DMD: variants seen among roughly 807,000 people sequenced by gnomAD.
DMD encodes the protein mutant dystrophin.
Under a neutral mutation model 330.1 loss-of-function variants are expected in DMD, and 63 were observed. The ratio of observed to expected loss-of-function variants is 0.19; its 90% confidence interval spans 0.16 to 0.24. DMD has a LOEUF of 0.24. DMD is among the 10% of genes least tolerant of loss of function. The pLI is 1.00. For synonymous variants in DMD, 1,223 were observed against 959.8 expected, an observed-to-expected ratio of 1.27 and a Z score of -5.07; for missense variants, 3,344 against 2,684.1, an observed-to-expected ratio of 1.25 and a Z score of -5.43.
intron 60 of DMD, among the ~76,000 whole-genome samples, chrX:31,415,408 T>C (rs1190471600): frequency 8.9e-6 from 1 of 112,177 alleles, no homozygotes; most frequent in African/African-American, 3.2e-5. Context: ...GTAGGTTCAT[T>C]ATGCAAATGT....
At chrX:31,920,157 G>A (rs1332122482) in intron 47 of DMD, among the ~76,000 whole-genome samples, 1 of 112,181 alleles carries the variant, frequency 8.9e-6, no homozygotes, top group Non-Finnish European at 1.9e-5. Flanking sequence ...ATAGTAGTCA[G>A]CATTTAGTAT....
intron 7 of DMD, among the ~76,000 whole-genome samples, chrX:32,777,819 T>C (rs1424765319): frequency 8.9e-6 from 1 of 112,493 alleles, no homozygotes; most frequent in Non-Finnish European, 1.9e-5. Flanking sequence ...TGTGTAAAAA[T>C]TTTAGAAATC....
chrX:32,419,777 T>C (rs2098182219), intron 29 of DMD, among the ~76,000 whole-genome samples: 1 of 111,978 alleles, frequency 8.9e-6, no homozygotes, highest in Admixed American at 9.5e-5. Flanking sequence ...TTACTGAAGT[T>C]CTTCTGTGAC....
intron 62 of DMD, among the ~76,000 whole-genome samples, chrX:31,276,741 A>G (rs1238345995): frequency 8.9e-6 from 1 of 112,341 alleles, no homozygotes; most frequent in Non-Finnish European, 1.9e-5. Context: ...ATTACATAGC[A>G]ATTAGAATGA....
chrX:31,214,082 AATTT>A (rs1211256909), intron 64 of DMD, among the ~76,000 whole-genome samples: 1 of 113,088 alleles, frequency 8.8e-6, no homozygotes, highest in African/African-American at 3.2e-5. Flanking sequence ...TTAAGTTCAG[AATTT>A]CTTTCCACTG....
chrX:31,668,773 A>T (rs2036241527), intron 53 of DMD, among the ~76,000 whole-genome samples: 1 of 111,220 alleles, frequency 9.0e-6, no homozygotes, highest in South Asian at 3.8e-4. Flanking sequence ...CCACCCCTAA[A>T]TCCACAGCCT....
At chrX:31,296,442 G>A (rs1197272299) in intron 62 of DMD, among the ~76,000 whole-genome samples, 4 of 111,776 alleles carry the variant, frequency 3.6e-5, no homozygotes, top group African/African-American at 1.3e-4. Flanking sequence ...GATGGTTTCA[G>A]TAAAGGCAAT....
chrX:31,689,397 A>G (rs775363029), intron 52 of DMD, among the ~76,000 whole-genome samples: 2 of 111,733 alleles, frequency 1.8e-5, no homozygotes, highest in East Asian at 2.8e-4. Flanking sequence ...AAATACCTAC[A>G]AATACAACTT....
chrX:31,724,557 GA>G (rs1327696395), intron 52 of DMD, among the ~76,000 whole-genome samples: 1 of 108,193 alleles, frequency 9.2e-6, no homozygotes, highest in East Asian at 3.3e-4. Context: ...ATCCTTAGCT[GA>G]AAAAATAATT....
intron 1 of DMD, among the ~76,000 whole-genome samples, chrX:33,176,976 A>T (rs2049702518): frequency 8.9e-6 from 1 of 111,960 alleles, no homozygotes; most frequent in African/African-American, 3.3e-5. Context: ...CAAAAGAGAA[A>T]CTGTGTGAAG....
rs910251858 is a variant in DMD, at chrX:31,120,828, T to A, written c.*1091A>T. On this transcript the variant is annotated 3_prime_UTR_variant, in exon 79 of 79. Transcript: ENST00000357033. ...TGATTTCCACTGAAGCATCATTAAA[T>A]CTAAATCGTGGCATTGCTAGCAGCA... is the stretch of plus-strand genomic sequence containing the variant. 3.6e-5 allele frequency: 4 copies of A among 109,615 alleles called. No individual in the cohort carries two copies. The highest frequency in any genetic ancestry group is 7.6e-5 in the Non-Finnish European group (4 of 52,846). The allele number at this position is 109,615 out of a possible 1,213,427, so 9.0% of individuals were successfully genotyped here.
chrX:33,110,768 T>A (rs752113080), intron 1 of DMD, among the ~76,000 whole-genome samples: 20 of 111,167 alleles, frequency 1.8e-4, no homozygotes, highest in Non-Finnish European at 7.5e-5. Context: ...TATTTGTTCA[T>A]CTTTGTGTCT....
intron 6 of DMD, among the ~76,000 whole-genome samples, chrX:32,815,349 A>C (rs1197252254): frequency 4.6e-5 from 5 of 107,699 alleles, no homozygotes; most frequent in South Asian, 4.1e-4. Flanking sequence ...ACTTGCACTG[A>C]AAATTAGGCA....
intron 42 of DMD, among the ~76,000 whole-genome samples, chrX:32,299,864 C>T (rs1162784497): frequency 1.8e-5 from 2 of 111,257 alleles, no homozygotes; most frequent in African/African-American, 6.5e-5. Flanking sequence ...TATATTCACA[C>T]CTCAAGCTAA....
chrX:32,705,383 C>T (rs928287778), intron 7 of DMD, among the ~76,000 whole-genome samples: 1 of 111,900 alleles, frequency 8.9e-6, no homozygotes, highest in Non-Finnish European at 1.9e-5. Flanking sequence ...AAATTAATAA[C>T]GATAAAAAGT....
At chrX:32,444,990 T>G (rs995304174) in intron 27 of DMD, among the ~76,000 whole-genome samples, 6 of 111,307 alleles carry the variant, frequency 5.4e-5, no homozygotes, top group Non-Finnish European at 1.1e-4. Flanking sequence ...GTATAGGTAC[T>G]TCCAGTGCCC....
chrX:33,180,605 A>T (rs1234454814), intron 1 of DMD, among the ~76,000 whole-genome samples: 1 of 111,137 alleles, frequency 9.0e-6, no homozygotes, highest in Non-Finnish European at 1.9e-5. Context: ...GGTTGAACTT[A>T]CCTGGCTCTG....
At chrX:31,485,347 A>T (rs2068707021) in intron 57 of DMD, among the ~76,000 whole-genome samples, 1 of 111,000 alleles carries the variant, frequency 9.0e-6, no homozygotes, top group Non-Finnish European at 1.9e-5. Flanking sequence ...GGCACGCGCC[A>T]CCACACCCTG....
At chrX:32,650,779 G>T (rs182340797) in intron 9 of DMD, among the ~76,000 whole-genome samples, 1 of 112,037 alleles carries the variant, frequency 8.9e-6, no homozygotes, top group South Asian at 3.7e-4. Flanking sequence ...ATCATGGCCT[G>T]CTGTTAGGGC....
Sources: gnomAD v4.1 joint callset for allele counts (sites outside exome capture counted in the v4.1 genomes callset) on GRCh38, gnomAD v4.1.1 for gene constraint, MANE v1.5 for transcripts, NCBI Gene and HGNC (gene_info 2026-07-23, HGNC 2026-07-21) for gene names.